TYW1B: variants seen among roughly 807,000 people sequenced by gnomAD.
TYW1B encodes the protein tRNA-yW synthesizing protein 1 homolog B, also known as S-adenosyl-L-methionine-dependent tRNA 4-demethylwyosine synthase TYW1B.
TYW1B carries 73 observed loss-of-function variants against 86.9 expected under a neutral mutation model. The observed-to-expected ratio is 0.84, with a 90% CI of 0.70 to 1.02. TYW1B has a LOEUF of 1.02. Ranked by LOEUF, TYW1B falls within the 50% of genes least tolerant of loss-of-function variation. The pLI, the probability that TYW1B is intolerant of heterozygous loss-of-function variation, is 0.00. For synonymous variants in TYW1B, 248 were observed against 292.8 expected (o/e 0.85, Z 1.56); for missense variants, 637 against 827.4 (o/e 0.77, Z 2.82).
intron 2 of TYW1B, among the ~76,000 whole-genome samples, chr7:72,826,635 C>T (rs1334858566): frequency 2.0e-5 from 3 of 152,128 alleles, no homozygotes; most frequent in African/African-American, 4.8e-5. Flanking sequence ...CAAAAATCTT[C>T]CTGTATCTTA....
At chr7:72,721,622 A>ACACACG (rs200919144) in intron 9 of TYW1B, among the ~76,000 whole-genome samples, 5 of 151,496 alleles carry the variant, frequency 3.3e-5, no homozygotes, top group African/African-American at 1.2e-4. Context: ...ACACACACAC[A>ACACACG]TGCACACACA....
intron 8 of TYW1B, among the ~76,000 whole-genome samples, chr7:72,737,984 C>G (rs2129571222): frequency 6.6e-6 from 1 of 151,950 alleles, no homozygotes; most frequent in Middle Eastern, 3.4e-3. Flanking sequence ...CCGTGTTAGC[C>G]AGGATGGTCT....
At position 72,651,445 on chromosome 7, in the gene TYW1B, C is replaced by T. The variant is rs369551192; in HGVS notation, c.1507-22448G>A. On this transcript the variant is annotated intron_variant, in intron 11 of 13. Coordinates refer to ENST00000620995, the MANE Select transcript of TYW1B (RefSeq NM_001145440.3). ...TCAGCCTGGCCAACATGGTGAAACC[C>T]CATCTCTACTAAAAGTACAAAAATT... is the stretch of plus-strand genomic sequence containing the variant. 6.9e-3 allele frequency among the ~76,000 whole-genome samples: 1,037 copies of T among 151,204 alleles called. 7 individuals are homozygous for T. The highest frequency in any genetic ancestry group is 0.025 in the African/African-American group (1,012 of 40,954).
At chr7:72,778,134 T>C (rs1230747225) in intron 6 of TYW1B, among the ~76,000 whole-genome samples, 5 of 152,240 alleles carry the variant, frequency 3.3e-5, no homozygotes, top group South Asian at 2.1e-4. Context: ...GTGTCAAACA[T>C]TTTCAGCAAT....
At chr7:72,767,180 T>C (rs1554468626) in intron 7 of TYW1B, among the ~76,000 whole-genome samples, 1 of 152,060 alleles carries the variant, frequency 6.6e-6, no homozygotes, top group Non-Finnish European at 1.5e-5. Context: ...AAAAAATGCT[T>C]CTCTGCCAAC....
At chr7:72,805,164 A>G (rs1266134716) in intron 5 of TYW1B, among the ~76,000 whole-genome samples, 6 of 151,254 alleles carry the variant, frequency 4.0e-5, no homozygotes, top group African/African-American at 1.5e-4. Context: ...TACTACATCA[A>G]AAGGGGCAAT....
intron 13 of TYW1B, among the ~76,000 whole-genome samples, chr7:72,590,811 T>C (rs1247402656): frequency 7.9e-5 from 12 of 152,100 alleles, no homozygotes; most frequent in African/African-American, 2.9e-4. Flanking sequence ...CAGTGAAGTA[T>C]GGTCCATCCA....
intron 8 of TYW1B, among the ~76,000 whole-genome samples, chr7:72,739,832 C>T (rs1184350979): frequency 5.7e-5 from 8 of 140,714 alleles, no homozygotes; most frequent in Middle Eastern, 3.5e-3. Context: ...TGCTAAGAAG[C>T]GGCCTAGGAA....
At chr7:72,577,823 C>T (rs1172304975) in intron 13 of TYW1B, among the ~76,000 whole-genome samples, 8 of 152,228 alleles carry the variant, frequency 5.3e-5, no homozygotes, top group Admixed American at 1.3e-4. Flanking sequence ...TCTCACGTGA[C>T]GCCCAAGCTG....
intron 13 of TYW1B, among the ~76,000 whole-genome samples, chr7:72,607,165 G>A (rs782005461): frequency 1.3e-5 from 2 of 151,888 alleles, no homozygotes; most frequent in Non-Finnish European, 2.9e-5. Context: ...GGTGGAGATG[G>A]GTGGATCACT....
intron 7 of TYW1B, among the ~76,000 whole-genome samples, chr7:72,754,135 T>C (rs2129571541): frequency 6.6e-6 from 1 of 152,234 alleles, no homozygotes; most frequent in South Asian, 2.1e-4. Context: ...CTACTTCTGT[T>C]GTTTGTTTTT....
chr7:72,773,027 G>A (rs1329541361), intron 7 of TYW1B, among the ~76,000 whole-genome samples: 2 of 152,136 alleles, frequency 1.3e-5, no homozygotes, highest in African/African-American at 4.8e-5. Flanking sequence ...TACCAAATAT[G>A]CATTTAAAAG....
In TYW1B at chr7:72,787,869, T is replaced by C. The variant is rs553966909; in HGVS notation, c.847-10336A>G. On this transcript the variant is annotated intron_variant, in intron 6 of 13. Transcript: ENST00000620995. ...AGCACTTTCATATACAACAACTCTATGTTCCTCAGGAAAGGAGATTAAAGC... is the reference window on the plus strand; with the variant it reads ...AGCACTTTCATATACAACAACTCTACGTTCCTCAGGAAAGGAGATTAAAGC... 3.9e-5 allele frequency among the ~76,000 whole-genome samples: 6 copies of C among 152,328 alleles called. No homozygotes were observed. The East Asian group carries it at 5.8e-4, about 15-fold the overall frequency.
At chr7:72,711,473 C>CTTTTTTTTTTTTTTTTTT (rs59438928) in intron 10 of TYW1B, among the ~76,000 whole-genome samples, 2 of 56,966 alleles carry the variant, frequency 3.5e-5, no homozygotes, top group Non-Finnish European at 6.0e-5. Flanking sequence ...CTCTTTAATT[C>CTTTTTTTTTTTTTTTTTT]TTTTTTTTTT....
chr7:72,634,724 T>A (rs1358106142), intron 11 of TYW1B, among the ~76,000 whole-genome samples: 2 of 152,226 alleles, frequency 1.3e-5, no homozygotes, highest in Non-Finnish European at 2.9e-5. Flanking sequence ...TGGTTTTGCA[T>A]CTGCCTGCAG....
chr7:72,725,602 T>C (rs1179003625), intron 9 of TYW1B, among the ~76,000 whole-genome samples: 3 of 152,154 alleles, frequency 2.0e-5, no homozygotes, highest in Non-Finnish European at 2.9e-5. Context: ...AACATTTAAA[T>C]TGCTGGGCTT....
At chr7:72,824,031 G>C (rs1244587139) in intron 2 of TYW1B, among the ~76,000 whole-genome samples, 2 of 151,914 alleles carry the variant, frequency 1.3e-5, no homozygotes, top group East Asian at 1.9e-4. Context: ...ACATTAAAAG[G>C]ACTTTGCTTT....
At chr7:72,645,800 A>T (rs1812915851) in intron 11 of TYW1B, among the ~76,000 whole-genome samples, 1 of 152,154 alleles carries the variant, frequency 6.6e-6, no homozygotes, top group South Asian at 2.1e-4. Context: ...AGAACTCTGA[A>T]GGTGCTATTA....
chr7:72,681,890 T>A (rs79005106), intron 11 of TYW1B, among the ~76,000 whole-genome samples: 10 of 151,300 alleles, frequency 6.6e-5, no homozygotes, highest in Non-Finnish European at 1.2e-4. Flanking sequence ...CGGCCGTCTG[T>A]TTTTTTAGAT....
Sources: gnomAD v4.1 joint callset for allele counts (sites outside exome capture counted in the v4.1 genomes callset) on GRCh38, gnomAD v4.1.1 for gene constraint, MANE v1.5 for transcripts, NCBI Gene and HGNC (gene_info 2026-07-23, HGNC 2026-07-21) for gene names.